The following LARP1 variants were observed in gnomAD, a reference collection of about 807,000 sequenced individuals.
LARP1 encodes the protein la-related protein 1.
Under a neutral mutation model 122.7 loss-of-function variants are expected in LARP1, and 36 were observed. That is an observed-to-expected ratio of 0.29 (90% CI 0.22 to 0.39). LARP1 has a LOEUF of 0.39. LARP1 is among the 10% of genes least tolerant of loss of function. The pLI is 1.00. For missense variants in LARP1, 1,040 were observed against 1,403.6 expected, an observed-to-expected ratio of 0.74 and a Z score of 4.14; for synonymous variants, 539 against 528.7, an observed-to-expected ratio of 1.02 and a Z score of -0.27.
intron 1 of LARP1, among the ~76,000 whole-genome samples, chr5:154,772,349 A>G (rs1755507337): frequency 6.6e-6 from 1 of 152,204 alleles, no homozygotes; most frequent in Non-Finnish European, 1.5e-5. Context: ...GTATCCACAT[A>G]TTGTGGCTCG....
rs150890204 is a variant in LARP1, at chr5:154,695,266, C to T, written c.-180+12229C>T. On this transcript the variant is annotated intron_variant, in intron 1 of 18. Transcript: ENST00000687700. The stretch of plus-strand genomic sequence containing the variant: ...GGCGGAGCTTGCAGTAAGCAGAGAT[C>T]GCCTCACTGCACTCCAGCCTGGGGG... 6.8e-3 allele frequency among the ~76,000 whole-genome samples: 1,039 copies of T among 151,680 alleles called. 5 individuals are homozygous for T. Among genetic ancestry groups the T allele is most frequent in the Middle Eastern group, 0.017 (5 of 292 alleles).
chr5:154,736,813 G>A (rs1026837395), intron 1 of LARP1, among the ~76,000 whole-genome samples: 2 of 149,422 alleles, frequency 1.3e-5, no homozygotes, highest in African/African-American at 4.9e-5. Context: ...TGATCAGCCC[G>A]CCTCAGCCTC....
At chr5:154,731,276 A>G (rs1756552032) in intron 1 of LARP1, among the ~76,000 whole-genome samples, 1 of 152,234 alleles carries the variant, frequency 6.6e-6, no homozygotes, top group African/African-American at 2.4e-5. Flanking sequence ...GGAAATAAAA[A>G]TGATTTTTCT....
At chr5:154,702,526 AGCCTGG>A (rs1263155310) in intron 1 of LARP1, among the ~76,000 whole-genome samples, 1 of 151,696 alleles carries the variant, frequency 6.6e-6, no homozygotes, top group Non-Finnish European at 1.5e-5. Flanking sequence ...ATTGCACTCC[AGCCTGG>A]GCAACACGAA....
At chr5:154,791,068 C>A (rs974883999) in intron 3 of LARP1, among the ~76,000 whole-genome samples, 2 of 151,982 alleles carry the variant, frequency 1.3e-5, no homozygotes, top group African/African-American at 4.8e-5. Context: ...CTGCCTGCCT[C>A]AGCCTCCCAA....
In LARP1 at chr5:154,805,614, C is replaced by T. The variant is rs1758711340; in HGVS notation, c.2547-267C>T. 1.6e-5 allele frequency: 6 copies of T among 384,354 alleles called. No individual in the cohort carries two copies. In the South Asian group the frequency reaches 3.0e-4, roughly 19 times the overall value. The allele number at this position is 384,354 out of a possible 1,614,324, so 23.8% of individuals were successfully genotyped here. On this transcript the variant is annotated intron_variant, in intron 14 of 18. Coordinates refer to ENST00000518297, the MANE Select transcript of LARP1 (RefSeq NM_033551.3). Reference sequence around the variant, plus strand: ...TAAAAGCTCAAGTTTTATCATTGGACACGTTTCTGCCATTAAATAGTCTTA... The same window carrying T: ...TAAAAGCTCAAGTTTTATCATTGGATACGTTTCTGCCATTAAATAGTCTTA...
At chr5:154,685,695 G>A in intron 1 of LARP1, 1 of 399,878 alleles carries the variant, frequency 2.5e-6, no homozygotes, top group South Asian at 1.8e-5. Flanking sequence ...AAAGGGGTCG[G>A]GCACAGTGGC....
chr5:154,740,393 CAA>C (rs538295324), intron 1 of LARP1, among the ~76,000 whole-genome samples: 17 of 73,412 alleles, frequency 2.3e-4, no homozygotes, highest in Admixed American at 3.1e-4. Context: ...AACTCTGTCT[CAA>C]AAAAAAAAAA....
At chr5:154,769,595 G>C (rs887629435) in intron 1 of LARP1, among the ~76,000 whole-genome samples, 2 of 152,220 alleles carry the variant, frequency 1.3e-5, no homozygotes, top group Non-Finnish European at 2.9e-5. Context: ...AGCAGCAATA[G>C]AAAGCTCTCT....
At chr5:154,749,949 T>G (rs1183840762) in intron 1 of LARP1, among the ~76,000 whole-genome samples, 2 of 152,252 alleles carry the variant, frequency 1.3e-5, no homozygotes, top group Non-Finnish European at 2.9e-5. Flanking sequence ...TAAAATTTCA[T>G]GTAAACTTTG....
chr5:154,691,353 A>T (rs73292548), intron 1 of LARP1, among the ~76,000 whole-genome samples: 14,053 of 151,834 alleles, frequency 0.093, 1,080 homozygotes, highest in African/African-American at 0.2. Context: ...TGACTGTGTG[A>T]CCTTGGGCCA....
chr5:154,755,434 G>C lies in LARP1; in HGVS notation c.-324G>C, dbSNP rs1320242780. 2 of 507,294 alleles carry C rather than the reference G, an allele frequency of 3.9e-6. No individual in the cohort carries two copies. Among genetic ancestry groups the C allele is most frequent in the African/African-American group, 4.2e-5 (2 of 48,010 alleles). 31.4% of individuals were successfully genotyped at this position (507,294 alleles called of 1,614,324 possible). On this transcript the variant is annotated 5_prime_UTR_variant, in exon 1 of 19. Transcript: ENST00000518297. ...CCCGGGCCGCCCCGGGGGCGGGGGGGAGGGAGGGACGGGACTAGAAGCCTG... is the reference window on the plus strand; with the variant it reads ...CCCGGGCCGCCCCGGGGGCGGGGGGCAGGGAGGGACGGGACTAGAAGCCTG...
chr5:154,793,635 G>A lies in LARP1; in HGVS notation c.780G>A (p.Lys260=), dbSNP rs547258610. Residue 260 remains lysine, a synonymous_variant, in exon 5 of 19, where the codon AAG becomes AAA. Transcript: ENST00000518297. ...HKWVPLQIDM[K]PEVPREKLAS... The stretch of plus-strand genomic sequence containing the variant: ...GGGTTCCATTACAAATAGACATGAA[G>A]CCTGAAGTGCCCAGAGAGAAACTGG... 119 of 1,614,128 alleles carry A rather than the reference G, an allele frequency of 7.4e-5. No individual in the cohort carries two copies. The East Asian group carries it at 2.5e-3, about 33-fold the overall frequency.
chr5:154,743,774 G>A (rs945856098), intron 1 of LARP1, among the ~76,000 whole-genome samples: 1 of 151,162 alleles, frequency 6.6e-6, no homozygotes, highest in Non-Finnish European at 1.5e-5. Flanking sequence ...CACCCGCCAT[G>A]ACACTCAGTT....
chr5:154,729,720 C>CTATT (rs1361365286), intron 1 of LARP1: 1 of 243,552 alleles, frequency 4.1e-6, no homozygotes, highest in Non-Finnish European at 8.0e-6. Context: ...TACCTCTAGA[C>CTATT]TGTAAAAAGC....
In LARP1 at chr5:154,806,132, ACTTC is replaced by A; in HGVS notation, c.2698+101_2698+104del. ...CGGGGATAGGTGACTCTTTTCTCTG[ACTTC>A]AGAGCAAAAAAAAGACATGACATTA... On this transcript the variant is annotated intron_variant, in intron 15 of 18. Transcript: ENST00000518297. The A allele has an allele frequency of 4.0e-6, 5 of 1,263,822 alleles. No individual in the cohort carries two copies. In the Admixed American group the frequency reaches 7.3e-5, roughly 19 times the overall value. 78.3% of individuals were successfully genotyped at this position (1,263,822 alleles called of 1,614,324 possible). A position where few individuals can be genotyped will look rare whatever the true frequency, so the allele number is the denominator to read the frequency against.
In LARP1 at chr5:154,802,186, C is replaced by T. The variant is rs1397944363; in HGVS notation, c.1896C>T (p.Asp632=). ...CTGCCTGGTCTGATGAGGAATCTGA[C>T]TATGAGATTGATGACAGGGATGTCA... The part of the protein sequence containing the change: ...TFTAWSDEES[D]YEIDDRDVNK... The change falls in exon 11 of 19, where the codon GAC becomes GAT. Residue 632 remains aspartate (D), a synonymous_variant. Transcript: ENST00000518297. The surrounding 1 kb of genome is among the most constrained non-coding windows in gnomAD (Gnocchi z 5.1). The T allele has an allele frequency of 1.2e-6, 2 of 1,614,186 alleles. No individual in the cohort carries two copies. Among genetic ancestry groups the T allele is most frequent in the Middle Eastern group, 1.6e-4 (1 of 6,062 alleles).
intron 1 of LARP1, among the ~76,000 whole-genome samples, chr5:154,699,772 TG>T (rs1247050002): frequency 6.6e-6 from 1 of 152,138 alleles, no homozygotes; most frequent in African/African-American, 2.4e-5. Flanking sequence ...GAGGTACAAA[TG>T]GGTCTACCCC....
At chr5:154,768,119 T>G (rs1561582460) in intron 1 of LARP1, among the ~76,000 whole-genome samples, 1 of 152,080 alleles carries the variant, frequency 6.6e-6, no homozygotes, top group Non-Finnish European at 1.5e-5. Flanking sequence ...GGTTAGTAGG[T>G]TTTGCCTGTA....
Sources: allele counts gnomAD v4.1 joint callset (sites outside exome capture counted in the v4.1 genomes callset), GRCh38; gene constraint gnomAD v4.1.1; non-coding constraint Gnocchi (gnomAD v3.1); transcripts MANE v1.5; gene names NCBI Gene and HGNC (gene_info 2026-07-23, HGNC 2026-07-21).